B4GALNT3: variants seen among roughly 807,000 people sequenced by gnomAD.
The protein encoded by B4GALNT3 is beta-1,4-N-acetyl-galactosaminyltransferase 3.
B4GALNT3 carries 86 observed loss-of-function variants against 120.2 expected under a neutral mutation model. The ratio of observed to expected loss-of-function variants is 0.72; its 90% CI spans 0.60 to 0.86. B4GALNT3 has a LOEUF of 0.86. Ranked by LOEUF, B4GALNT3 falls within the 40% of genes least tolerant of loss-of-function variation. The probability of loss-of-function intolerance (pLI) is 0.00; values close to 1 mark genes in which losing one functional copy is unlikely to be tolerated. For missense variants in B4GALNT3, 1,167 were observed against 1,298.9 expected (o/e 0.90, Z 1.56); for synonymous variants, 518 against 510.4 (o/e 1.01, Z -0.20).
intron 7 of B4GALNT3, 125 bp downstream of exon 7, chr12:546,838 C>A (rs4980834): frequency 0.4 from 364,874 of 911,970 alleles, 75,235 homozygotes; most frequent in South Asian, 0.5. Flanking sequence ...CACACGCTCC[C>A]GGCAACCGGG....
At chr12:462,223 G>C (rs918110142) in intron 1 of B4GALNT3, among the ~76,000 whole-genome samples, 2 of 152,040 alleles carry the variant, frequency 1.3e-5, no homozygotes, top group African/African-American at 2.4e-5. Context: ...CCTGGGAGGC[G>C]ACACCTCCTC....
At position 460,437 on chromosome 12, in the gene B4GALNT3, AGGCGCTTCCGGCTGCTGCT is replaced by A; in HGVS notation, c.68_86del (p.Phe23SerfsTer26). 1.3e-6 allele frequency: 2 copies of A among 1,566,826 alleles called. No homozygotes were observed. On this transcript the variant is annotated frameshift_variant, in exon 1 of 20. Coordinates refer to ENST00000266383, the MANE Select transcript of B4GALNT3 (RefSeq NM_173593.4). LOFTEE classifies it high-confidence loss of function. This position sits in a 1 kb window ranked among gnomAD's most constrained non-coding sequence, Gnocchi z 8.0. ...CCTGCGCCCGGTGAAGCTGCTGCGG[AGGCGCTTCCGGCTGCTGCT>A]GGCGCTCGCCGTGGTGTCTGTGGGG... is the stretch of plus-strand genomic sequence containing the variant.
chr12:544,337 A>T lies in B4GALNT3; in HGVS notation c.352-2A>T. 1 of 1,613,336 alleles carries T rather than the reference A, an allele frequency of 6.2e-7. No homozygotes were observed. The highest frequency in any genetic ancestry group is 8.5e-7 in the Non-Finnish European group (1 of 1,179,854). ...CTCACCACTGGCGTCTCCGCCCTGC[A>T]GTTCCGGGGCCGTGCCAACCTGCAT... On this transcript the variant is annotated splice_acceptor_variant, in intron 3 of 19. Transcript: ENST00000266383. LOFTEE classifies it high-confidence loss of function.
At chr12:520,465 A>T (rs555253784) in intron 1 of B4GALNT3, among the ~76,000 whole-genome samples, 1 of 152,376 alleles carries the variant, frequency 6.6e-6, no homozygotes, top group African/African-American at 2.4e-5. Context: ...TAACACATCA[A>T]ATAACCAGTT....
intron 1 of B4GALNT3, among the ~76,000 whole-genome samples, chr12:517,695 A>G (rs73592310): frequency 1.8e-3 from 279 of 152,316 alleles, no homozygotes; most frequent in African/African-American, 6.2e-3. Flanking sequence ...GACTTTGCTC[A>G]GTGCTCAGTT....
chr12:537,243 A>G (rs1437499542), intron 3 of B4GALNT3, among the ~76,000 whole-genome samples: 1 of 152,202 alleles, frequency 6.6e-6, no homozygotes, highest in Admixed American at 6.5e-5. Flanking sequence ...CCATCATAAT[A>G]TCTTTCATTT....
intron 1 of B4GALNT3, among the ~76,000 whole-genome samples, chr12:531,463 A>G (rs995317954): frequency 1.3e-5 from 2 of 152,094 alleles, no homozygotes; most frequent in African/African-American, 4.8e-5. Context: ...AACCTGGACA[A>G]CATAGAAAGA....
chr12:514,192 G>GT (rs1946626067), intron 1 of B4GALNT3, among the ~76,000 whole-genome samples: 1 of 129,094 alleles, frequency 7.7e-6, no homozygotes, highest in African/African-American at 3.0e-5. Context: ...GTTATTGTCC[G>GT]TTTTTGTTTT....
chr12:498,676 G>A (rs12305724), intron 1 of B4GALNT3, among the ~76,000 whole-genome samples: 27,312 of 152,102 alleles, frequency 0.18, 3,526 homozygotes, highest in African/African-American at 0.32. Flanking sequence ...GTGGGGCGAC[G>A]CTAGCTGGTG....
chr12:545,606 C>CA (rs1192902496), intron 6 of B4GALNT3, 137 bp downstream of exon 6: 39 of 833,944 alleles, frequency 4.7e-5, no homozygotes, highest in Non-Finnish European at 6.8e-5. Flanking sequence ...TCTCCTCCCT[C>CA]ACCCCTACCC....
At chr12:505,977 A>G (rs1946493425) in intron 1 of B4GALNT3, among the ~76,000 whole-genome samples, 1 of 152,214 alleles carries the variant, frequency 6.6e-6, no homozygotes, top group Non-Finnish European at 1.5e-5. Flanking sequence ...GAGCCAGGTA[A>G]GCATCAGCTG....
chr12:555,133 G>A (rs1481449941), intron 14 of B4GALNT3, among the ~76,000 whole-genome samples: 5 of 150,992 alleles, frequency 3.3e-5, no homozygotes, highest in South Asian at 2.1e-4. Context: ...AGCAGAGGTC[G>A]CACCATTGCA....
At chr12:515,487 G>A (rs566851845) in intron 1 of B4GALNT3, among the ~76,000 whole-genome samples, 136 of 152,204 alleles carry the variant, frequency 8.9e-4, no homozygotes, top group Non-Finnish European at 1.4e-3. Context: ...GTGAGCCACC[G>A]CACCCAGCCT....
chr12:542,619 C>T (rs1472762823), intron 3 of B4GALNT3, among the ~76,000 whole-genome samples: 2 of 152,190 alleles, frequency 1.3e-5, no homozygotes, highest in Non-Finnish European at 2.9e-5. Context: ...CCCCACACTT[C>T]CCCTCTCCTC....
chr12:515,936 G>A (rs1002376528), intron 1 of B4GALNT3, among the ~76,000 whole-genome samples: 1 of 152,122 alleles, frequency 6.6e-6, no homozygotes, highest in Non-Finnish European at 1.5e-5. Flanking sequence ...AGGAGATCGA[G>A]ACCATCCTGG....
intron 1 of B4GALNT3, among the ~76,000 whole-genome samples, chr12:511,254 T>TTCC: frequency 8.1e-6 from 1 of 123,344 alleles, no homozygotes; most frequent in Non-Finnish European, 1.7e-5. Context: ...TTCCGCCTTC[T>TTCC]GCCTTCCGCC....
At chr12:561,314 T>G in intron 19 of B4GALNT3, 29 bp from the exon 20 acceptor site, 1 of 1,577,878 alleles carries the variant, frequency 6.3e-7, no homozygotes, top group Non-Finnish European at 8.7e-7. Context: ...TGTGCTTCTG[T>G]TGGCTCATCT....
intron 19 of B4GALNT3, among the ~76,000 whole-genome samples, chr12:559,753 C>G (rs1947204581): frequency 6.6e-6 from 1 of 152,116 alleles, no homozygotes; most frequent in African/African-American, 2.4e-5. Context: ...AGACTGCATC[C>G]TCCCCAGCCC....
chr12:510,739 G>C (rs1024841714), intron 1 of B4GALNT3, among the ~76,000 whole-genome samples: 1 of 152,046 alleles, frequency 6.6e-6, no homozygotes, highest in Non-Finnish European at 1.5e-5. Flanking sequence ...AGATGCTTTG[G>C]GAAGTAGGGA....
Sources: gnomAD v4.1 joint callset for allele counts (sites outside exome capture counted in the v4.1 genomes callset) on GRCh38, gnomAD v4.1.1 for gene constraint, Gnocchi (gnomAD v3.1) non-coding constraint, MANE v1.5 for transcripts, NCBI Gene and HGNC (gene_info 2026-07-23, HGNC 2026-07-21) for gene names.